Variants in NCBP2L observed in about 807,000 individuals in gnomAD.
NCBP2L encodes the protein nuclear cap-binding protein subunit 2-like.
For synonymous variants in NCBP2L, 39 were observed against 19.2 expected, an observed-to-expected ratio of 2.04 and a Z score of -2.70; for missense variants, 95 against 53.1, an observed-to-expected ratio of 1.79 and a Z score of -2.45.
intron 1 of NCBP2L, among the ~76,000 whole-genome samples, chrX:107,785,525 C>T (rs756286383): frequency 1.8e-5 from 2 of 111,344 alleles, no homozygotes; most frequent in South Asian, 7.7e-4. Context: ...CCAGAGTTCC[C>T]CCAGATACAA....
At chrX:107,786,018 A>T (rs1930390795) in intron 1 of NCBP2L, among the ~76,000 whole-genome samples, 1 of 111,634 alleles carries the variant, frequency 9.0e-6, no homozygotes, top group South Asian at 3.7e-4. Context: ...GCTATTTTTT[A>T]ATATCCTTCC....
intron 1 of NCBP2L, among the ~76,000 whole-genome samples, chrX:107,785,688 T>C (rs1930387781): frequency 9.0e-6 from 1 of 111,704 alleles, no homozygotes; most frequent in African/African-American, 3.3e-5. Flanking sequence ...CTCATCCTTT[T>C]TGTAAGGAAA....
At chrX:107,785,633 G>A (rs749014973) in intron 1 of NCBP2L, among the ~76,000 whole-genome samples, 1 of 111,473 alleles carries the variant, frequency 9.0e-6, no homozygotes, top group Non-Finnish European at 1.9e-5. Flanking sequence ...CCATCCTGGG[G>A]GCCCTGTTTT....
chrX:107,778,873 CA>C (rs1281889347), intron 1 of NCBP2L, among the ~76,000 whole-genome samples: 1 of 112,117 alleles, frequency 8.9e-6, no homozygotes, highest in Admixed American at 9.5e-5. Flanking sequence ...GCTGCAGAAA[CA>C]GAGCTGCAGA....
chrX:107,780,146 C>T (rs1190526749), intron 1 of NCBP2L, among the ~76,000 whole-genome samples: 6 of 111,046 alleles, frequency 5.4e-5, no homozygotes, highest in Non-Finnish European at 1.1e-4. Context: ...CCCTTGAGGC[C>T]AGGATTTCAA....
chrX:107,791,407 G>A (rs1569457902), intron 1 of NCBP2L, among the ~76,000 whole-genome samples: 1 of 111,311 alleles, frequency 9.0e-6, no homozygotes, highest in Non-Finnish European at 1.9e-5. Flanking sequence ...ACCACGCCAT[G>A]CTAATATTTG....
chrX:107,782,276 AATATATATAAATAT>A (rs1930320449), intron 1 of NCBP2L, among the ~76,000 whole-genome samples: 1 of 17,875 alleles, frequency 5.6e-5, no homozygotes, highest in African/African-American at 9.6e-4. Flanking sequence ...TATATATATA[AATATATATAAATAT>A]ATATATATAA....
At chrX:107,782,338 AATATATATATATAAAT>A (rs1169480361) in intron 1 of NCBP2L, among the ~76,000 whole-genome samples, 14 of 34,790 alleles carry the variant, frequency 4.0e-4, no homozygotes, top group East Asian at 1.6e-3. Context: ...TATATATATA[AATATATATATATAAAT>A]ATATATATAT....
At chrX:107,782,822 T>C (rs1303409453) in intron 1 of NCBP2L, among the ~76,000 whole-genome samples, 1 of 97,024 alleles carries the variant, frequency 1.0e-5, no homozygotes, top group Non-Finnish European at 2.0e-5. Flanking sequence ...TTTTATTTTA[T>C]ATATACATAT....
chrX:107,791,814 C>G (rs1309969527), intron 1 of NCBP2L, among the ~76,000 whole-genome samples: 1 of 112,239 alleles, frequency 8.9e-6, no homozygotes, highest in Non-Finnish European at 1.9e-5. Flanking sequence ...AGGTATTTTG[C>G]TCTCCAGTTT....
chrX:107,781,678 C>CTATCTATCTATCTATCTA (rs1283631007), intron 1 of NCBP2L, among the ~76,000 whole-genome samples: 8 of 71,023 alleles, frequency 1.1e-4, no homozygotes, highest in African/African-American at 4.5e-4. Flanking sequence ...ATCTATCTAT[C>CTATCTATCTATCTATCTA]TCTCTCTCTC....
intron 1 of NCBP2L, among the ~76,000 whole-genome samples, chrX:107,789,756 A>T (rs183763443): frequency 9.1e-6 from 1 of 110,431 alleles, no homozygotes; most frequent in East Asian, 2.9e-4. Context: ...GACTGTCCTC[A>T]TTCCTCTCTG....
At chrX:107,781,258 C>A (rs1193038642) in intron 1 of NCBP2L, among the ~76,000 whole-genome samples, 1 of 99,935 alleles carries the variant, frequency 1.0e-5, no homozygotes, top group Non-Finnish European at 2.0e-5. Flanking sequence ...CTCTGCCGCC[C>A]AGGCTGGGGT....
rs370208084 is a variant in NCBP2L, at chrX:107,793,558, TATTGCCAATAAA to T, written c.-72-588_-72-577del. On this transcript the variant is annotated intron_variant, in intron 1 of 1. Coordinates refer to ENST00000509000, the MANE Select transcript of NCBP2L (RefSeq NM_001348372.2). ...TATTTACCTTTTGAACAAGTGGAAT[TATTGCCAATAAA>T]ATCTAATCTTAATTTAGGTCAAATT... Among the ~76,000 whole-genome samples, 461 of 112,224 alleles carry T rather than the reference TATTGCCAATAAA, an allele frequency of 4.1e-3. 3 individuals carry two copies. Among genetic ancestry groups the T allele is most frequent in the African/African-American group, 0.014 (426 of 30,925 alleles).
intron 1 of NCBP2L, among the ~76,000 whole-genome samples, chrX:107,791,953 C>T (rs1056221830): frequency 7.1e-5 from 8 of 112,187 alleles, no homozygotes; most frequent in African/African-American, 2.6e-4. Flanking sequence ...CATAACACTA[C>T]ATTGATTCAA....
intron 1 of NCBP2L, among the ~76,000 whole-genome samples, chrX:107,781,692 C>CTATATATATATA (rs1212780432): frequency 4.8e-4 from 32 of 66,911 alleles, no homozygotes; most frequent in Admixed American, 9.6e-4. Context: ...CTCTCTCTCT[C>CTATATATATATA]TATATATATA....
At chrX:107,783,500 G>C (rs1357135119) in intron 1 of NCBP2L, among the ~76,000 whole-genome samples, 1 of 108,030 alleles carries the variant, frequency 9.3e-6, no homozygotes. Flanking sequence ...AGCCTCCCGA[G>C]TAGCTGAAAT....
chrX:107,790,555 C>T (rs968667161), intron 1 of NCBP2L, among the ~76,000 whole-genome samples: 1 of 111,049 alleles, frequency 9.0e-6, no homozygotes, highest in African/African-American at 3.3e-5. Context: ...TTTCTTTGCC[C>T]AAATAACGTC....
At chrX:107,786,781 C>T (rs1930396683) in intron 1 of NCBP2L, among the ~76,000 whole-genome samples, 1 of 111,974 alleles carries the variant, frequency 8.9e-6, no homozygotes, top group Admixed American at 9.5e-5. Flanking sequence ...AAAAGTTATA[C>T]AGACAGCACA....
Sources: allele counts gnomAD v4.1 joint callset (sites outside exome capture counted in the v4.1 genomes callset), GRCh38; gene constraint gnomAD v4.1.1; transcripts MANE v1.5; gene names NCBI Gene and HGNC (gene_info 2026-07-23, HGNC 2026-07-21).